The following GARRE1 variants were observed in gnomAD, a reference collection of about 807,000 sequenced individuals.
GARRE1 encodes granule associated Rac and RHOG effector 1.
In GARRE1, 49 loss-of-function variants were observed where a neutral mutation model predicts 103.2. The observed-to-expected ratio is 0.47, with a 90% CI of 0.38 to 0.60. GARRE1 has a LOEUF of 0.60. GARRE1 is among the 20% of genes least tolerant of loss of function. GARRE1 has a pLI of 0.00. For missense variants in GARRE1, 1,199 were observed against 1,370.5 expected (o/e 0.87, Z 1.98); for synonymous variants, 505 against 532.8 (o/e 0.95, Z 0.72).
intron 1 of GARRE1, among the ~76,000 whole-genome samples, chr19:34,272,080 G>T (rs779546805): frequency 1.1e-4 from 17 of 152,302 alleles, no homozygotes; most frequent in Non-Finnish European, 1.9e-4. Flanking sequence ...GGATTGACAG[G>T]ATTGAAAGGA....
rs987618544 is a variant in GARRE1 at position 34,276,889 on chromosome 19, A to G, written c.-796+22275A>G. On this transcript the variant is annotated intron_variant, in intron 1 of 13. Transcript: ENST00000299505. Reference sequence around the variant, plus strand: ...TGCTGTCTTTAGGAGCTTATGTGCCAGGTGGTAAAGTGTACATATGCAAAT... The same window carrying G: ...TGCTGTCTTTAGGAGCTTATGTGCCGGGTGGTAAAGTGTACATATGCAAAT... 4.6e-5 allele frequency among the ~76,000 whole-genome samples: 7 copies of G among 152,224 alleles called. No individual in the cohort carries two copies. In the South Asian group the frequency reaches 8.3e-4, roughly 18 times the overall value.
chr19:34,350,519 T>C (rs905705199), intron 12 of GARRE1, among the ~76,000 whole-genome samples: 1 of 152,218 alleles, frequency 6.6e-6, no homozygotes, highest in Non-Finnish European at 1.5e-5. Flanking sequence ...CAGACTTTCA[T>C]GTGATTAGTA....
chr19:34,281,887 A>G (rs2073856341), intron 1 of GARRE1, among the ~76,000 whole-genome samples: 1 of 152,222 alleles, frequency 6.6e-6, no homozygotes, highest in Non-Finnish European at 1.5e-5. Context: ...AACCATAAGT[A>G]AGATAGATTG....
rs2074016342 is a variant in GARRE1, at chr19:34,307,756, T to G, written c.495+6788T>G. 2.9e-5 allele frequency among the ~76,000 whole-genome samples: 4 copies of G among 139,874 alleles called. No homozygotes were observed. In the Admixed American group the frequency reaches 3.1e-4, roughly 11 times the overall value. The allele number at this position is 139,874 out of a possible 152,430, so 91.8% of individuals were successfully genotyped here. ...TATACTTATATATACTATATATACA[T>G]ATATAGTATATATATACTATAAAAT... On this transcript the variant is annotated intron_variant, in intron 2 of 13. Transcript: ENST00000299505.
At position 34,342,457 on chromosome 19, in the gene GARRE1, T is replaced by G; in HGVS notation, c.2521+2T>G. Reference sequence around the variant, plus strand: ...AGATTCTGCCTTTTGATCCTGCAGGTATGTGAGGCCTCCCATCCCTCGCCC... The same window carrying G: ...AGATTCTGCCTTTTGATCCTGCAGGGATGTGAGGCCTCCCATCCCTCGCCC... On this transcript the variant is annotated splice_donor_variant, in intron 10 of 13. Transcript: ENST00000299505. LOFTEE classifies it high-confidence loss of function. 1.2e-6 allele frequency: 2 copies of G among 1,604,786 alleles called. No individual in the cohort carries two copies. Among genetic ancestry groups the G allele is most frequent in the Non-Finnish European group, 1.7e-6 (2 of 1,173,952 alleles).
At chr19:34,278,703 G>A (rs889115143) in intron 1 of GARRE1, among the ~76,000 whole-genome samples, 1 of 151,582 alleles carries the variant, frequency 6.6e-6, no homozygotes, top group South Asian at 2.1e-4. Context: ...TATTGACAGG[G>A]TCTCTGTCAC....
At chr19:34,350,117 A>G (rs1235379349) in intron 12 of GARRE1, among the ~76,000 whole-genome samples, 1 of 152,188 alleles carries the variant, frequency 6.6e-6, no homozygotes, top group East Asian at 1.9e-4. Context: ...AAAATAAAGC[A>G]GGGTATGAGG....
chr19:34,293,715 AACACACAC>A lies in GARRE1; in HGVS notation c.-795-5942_-795-5935del, dbSNP rs146336774. ...CAACCTCTTGAAGCATAAACATATA[AACACACAC>A]ACACACACACACACACACACATATT... On this transcript the variant is annotated intron_variant, in intron 1 of 13. Coordinates refer to ENST00000299505, the MANE Select transcript of GARRE1 (RefSeq NM_014686.5). Among the ~76,000 whole-genome samples, 25 of 100,496 alleles carry A rather than the reference AACACACAC, an allele frequency of 2.5e-4. No individual in the cohort carries two copies. In the East Asian group the frequency reaches 3.2e-3, roughly 13 times the overall value. The allele number at this position is 100,496 out of a possible 152,430, so 65.9% of individuals were successfully genotyped here.
chr19:34,254,988 A>T (rs1195310405), intron 1 of GARRE1, among the ~76,000 whole-genome samples: 1 of 151,702 alleles, frequency 6.6e-6, no homozygotes, highest in Non-Finnish European at 1.5e-5. Context: ...CGCTGGCGCC[A>T]GGACCCGCTC....
chr19:34,257,468 G>A (rs1446290910), intron 1 of GARRE1, among the ~76,000 whole-genome samples: 1 of 150,552 alleles, frequency 6.6e-6, no homozygotes, highest in Non-Finnish European at 1.5e-5. Context: ...CTCCCTAGGA[G>A]CTGGGATCAC....
intron 2 of GARRE1, among the ~76,000 whole-genome samples, chr19:34,305,671 C>T (rs564614871): frequency 1.3e-4 from 20 of 152,300 alleles, no homozygotes; most frequent in East Asian, 7.7e-4. Flanking sequence ...CAGCTGTGAG[C>T]AGTAGGGGCT....
chr19:34,259,477 T>C (rs1453389572), intron 1 of GARRE1, among the ~76,000 whole-genome samples: 1 of 152,168 alleles, frequency 6.6e-6, no homozygotes, highest in Non-Finnish European at 1.5e-5. Flanking sequence ...AAGATCAGAA[T>C]ACAGAGCTGG....
At chr19:34,254,912 G>C (rs1264191289) in intron 1 of GARRE1, among the ~76,000 whole-genome samples, 1 of 150,948 alleles carries the variant, frequency 6.6e-6, no homozygotes, top group African/African-American at 2.4e-5. Context: ...CACCGCAGGG[G>C]CGGGTCGGCG....
intron 10 of GARRE1, 36 bp from the exon 11 acceptor site, chr19:34,347,841 T>C (rs753445669): frequency 3.4e-6 from 5 of 1,474,734 alleles, no homozygotes; most frequent in African/African-American, 2.9e-5. Context: ...GGCCAGTTTG[T>C]CCCCAAACCC....
intron 7 of GARRE1, among the ~76,000 whole-genome samples, chr19:34,331,487 G>A (rs1419111245): frequency 1.2e-4 from 19 of 152,160 alleles, no homozygotes; most frequent in Admixed American, 1.1e-3. Flanking sequence ...ACTGTATACC[G>A]CTGCTGTTTA....
At chr19:34,287,187 T>A (rs2073892465) in intron 1 of GARRE1, among the ~76,000 whole-genome samples, 1 of 151,404 alleles carries the variant, frequency 6.6e-6, no homozygotes, top group Non-Finnish European at 1.5e-5. Context: ...CAAAGATTGA[T>A]TCGTTAGATT....
At chr19:34,262,551 C>T (rs997876415) in intron 1 of GARRE1, among the ~76,000 whole-genome samples, 1 of 152,022 alleles carries the variant, frequency 6.6e-6, no homozygotes, top group Non-Finnish European at 1.5e-5. Context: ...CTGCCTTGGC[C>T]TCCCAAGGTG....
In GARRE1 at chr19:34,265,293, C is replaced by T. The variant is rs114480941; in HGVS notation, c.-796+10679C>T. Among the ~76,000 whole-genome samples the T allele has an allele frequency of 2.8e-3, 425 of 152,234 alleles. 3 individuals carry two copies. The highest frequency in any genetic ancestry group is 9.7e-3 in the African/African-American group (401 of 41,536). ...TGGCTTGGCTCCCAGACTTGGGTGC[C>T]GCAGGCTCTGGTGACCTAGGCAGGA... On this transcript the variant is annotated intron_variant, in intron 1 of 13. Transcript: ENST00000299505.
intron 1 of GARRE1, among the ~76,000 whole-genome samples, chr19:34,283,112 A>G (rs934312179): frequency 3.9e-5 from 6 of 152,108 alleles, no homozygotes; most frequent in Non-Finnish European, 8.8e-5. Context: ...TTGTCATCCC[A>G]TTTCTGACAG....
Sources: gnomAD v4.1 joint callset for allele counts (sites outside exome capture counted in the v4.1 genomes callset) on GRCh38, gnomAD v4.1.1 for gene constraint, MANE v1.5 for transcripts, NCBI Gene and HGNC (gene_info 2026-07-23, HGNC 2026-07-21) for gene names.